AFF4: variants seen among roughly 807,000 people sequenced by gnomAD.
AFF4 encodes the protein ALF transcription elongation factor 4.
A neutral mutation model predicts 124.8 loss-of-function variants in AFF4; 13 were observed. The ratio of observed to expected loss-of-function variants is 0.10; its 90% CI spans 0.07 to 0.17. AFF4 has a LOEUF of 0.17. Ranked by LOEUF, AFF4 falls within the 10% of genes least tolerant of loss-of-function variation. The pLI, the probability that AFF4 is intolerant of heterozygous loss-of-function variation, is 1.00. For missense variants in AFF4, 1,092 were observed against 1,403.8 expected (o/e 0.78, Z 3.55); for synonymous variants, 477 against 496.1 (o/e 0.96, Z 0.51).
intron 1 of AFF4, among the ~76,000 whole-genome samples, chr5:132,938,759 C>T (rs1388100868): frequency 4.0e-5 from 6 of 151,284 alleles, no homozygotes; most frequent in Non-Finnish European, 5.9e-5. Context: ...CTGGCTAACA[C>T]GGTGAAACCC....
chr5:132,955,571 G>A (rs1761934849), intron 1 of AFF4, among the ~76,000 whole-genome samples: 1 of 151,998 alleles, frequency 6.6e-6, no homozygotes, highest in Non-Finnish European at 1.5e-5. Context: ...GAGGTCAGGA[G>A]TTCAAGACCA....
chr5:132,946,738 C>T (rs1487873236), intron 1 of AFF4, among the ~76,000 whole-genome samples: 2 of 152,030 alleles, frequency 1.3e-5, no homozygotes, highest in African/African-American at 4.8e-5. Context: ...TGTGAATGTA[C>T]TTAATGCCAC....
At chr5:132,898,502 T>TC in intron 9 of AFF4, 110 bp from the exon 10 acceptor site, 1 of 966,576 alleles carries the variant, frequency 1.0e-6, no homozygotes, top group Non-Finnish European at 1.5e-6. Flanking sequence ...TTTTTTTTTT[T>TC]AGACGGAGTC....
intron 1 of AFF4, among the ~76,000 whole-genome samples, chr5:132,954,316 T>C (rs1433941306): frequency 2.6e-5 from 4 of 152,216 alleles, no homozygotes; most frequent in Admixed American, 1.3e-4. Flanking sequence ...CGAGCTCCTA[T>C]TGACACGGCA....
intron 6 of AFF4, 126 bp downstream of exon 6, chr5:132,904,238 AAAAG>A: frequency 1.1e-6 from 1 of 873,716 alleles, no homozygotes; most frequent in Non-Finnish European, 1.7e-6. Context: ...GAAAAAAAAA[AAAAG>A]AAAACAAAAA....
chr5:132,936,132 T>C (rs1227538758), intron 2 of AFF4, among the ~76,000 whole-genome samples: 3 of 151,446 alleles, frequency 2.0e-5, no homozygotes, highest in Non-Finnish European at 2.9e-5. Context: ...CCGGGCATGG[T>C]GGCAGGCGCC....
chr5:132,949,898 C>G (rs1761797544), intron 1 of AFF4, among the ~76,000 whole-genome samples: 1 of 151,438 alleles, frequency 6.6e-6, no homozygotes, highest in African/African-American at 2.4e-5. Flanking sequence ...GTGGTGCATG[C>G]CTGTAGTCCT....
chr5:132,930,484 T>C (rs1158601596), intron 4 of AFF4, among the ~76,000 whole-genome samples: 3 of 152,104 alleles, frequency 2.0e-5, no homozygotes, highest in East Asian at 3.9e-4. Context: ...GGGAGAAAGA[T>C]AATGACCATA....
chr5:132,892,911 T>C (rs552518811), intron 12 of AFF4, 119 bp downstream of exon 12: 21 of 896,070 alleles, frequency 2.3e-5, no homozygotes, highest in South Asian at 1.2e-4. Flanking sequence ...GTTATGTGTA[T>C]GCATTTATAT....
intron 4 of AFF4, among the ~76,000 whole-genome samples, chr5:132,927,862 C>T (rs1279685575): frequency 6.6e-6 from 1 of 152,082 alleles, no homozygotes; most frequent in Non-Finnish European, 1.5e-5. Context: ...AAAAGCAAGA[C>T]CCTAAGTTTG....
intron 19 of AFF4, among the ~76,000 whole-genome samples, chr5:132,884,038 G>A (rs1760052471): frequency 6.6e-6 from 1 of 152,106 alleles, no homozygotes; most frequent in Non-Finnish European, 1.5e-5. Context: ...TTACTCAGAG[G>A]TAACAAAGAG....
intron 5 of AFF4, among the ~76,000 whole-genome samples, chr5:132,910,633 G>T (rs541742899): frequency 4.9e-4 from 74 of 152,070 alleles, no homozygotes; most frequent in African/African-American, 1.8e-3. Flanking sequence ...TAAGCTATCG[G>T]TAAGAAGCAA....
Position 132,898,361 on chromosome 5 carries a change from C to T in AFF4, c.1258G>A (p.Gly420Arg). Residue 420 changes from glycine (G) to arginine (R), a missense_variant, in exon 10 of 21, where the codon GGA becomes AGA. By Grantham distance (125) the Gly-to-Arg change is moderately radical. This residue lies in a region of AFF4 where 148 missense variants were observed against 196.3 expected (regional missense o/e 0.75). Coordinates refer to ENST00000265343, the MANE Select transcript of AFF4 (RefSeq NM_014423.4). ...GAATCATCCCTGGAGTTATCTGCTC[C>T]TTCACTATTATGGTGTGAAGGTTCA... ...NSEPSHHNSEGADNSRDDSSS... is the reference protein window; with the variant it reads ...NSEPSHHNSERADNSRDDSSS... 1 of 1,614,202 alleles carries T rather than the reference C, an allele frequency of 6.2e-7. No homozygotes were observed. The highest frequency in any genetic ancestry group is 8.5e-7 in the Non-Finnish European group (1 of 1,180,038).
chr5:132,938,058 G>A (rs571102227), intron 1 of AFF4, among the ~76,000 whole-genome samples: 8 of 151,178 alleles, frequency 5.3e-5, no homozygotes, highest in Non-Finnish European at 1.0e-4. Flanking sequence ...CAGGGAATCT[G>A]CAACACTCTT....
chr5:132,916,414 A>T (rs6887411), intron 5 of AFF4, among the ~76,000 whole-genome samples: 33,576 of 151,406 alleles, frequency 0.22, 4,079 homozygotes, highest in African/African-American at 0.32. Context: ...TTTTTTTTTT[A>T]AAATCAAGAG....
intron 1 of AFF4, chr5:132,948,750 T>C (rs73260956): frequency 5.0e-4 from 90 of 178,934 alleles, no homozygotes; most frequent in African/African-American, 2.0e-3. Flanking sequence ...TGTTCAGTCA[T>C]TGAAATCAAG....
intron 1 of AFF4, among the ~76,000 whole-genome samples, chr5:132,956,021 G>A (rs560669989): frequency 1.3e-5 from 2 of 150,504 alleles, no homozygotes; most frequent in South Asian, 4.2e-4. Flanking sequence ...GTAAATATAT[G>A]TGTATTATAC....
intron 1 of AFF4, chr5:132,943,441 C>A: frequency 5.6e-6 from 1 of 178,090 alleles, no homozygotes; most frequent in South Asian, 1.5e-4. Flanking sequence ...TATAAACACC[C>A]TGCTTGAAGC....
At chr5:132,901,921 T>C (rs750030547) in intron 7 of AFF4, among the ~76,000 whole-genome samples, 5 of 152,332 alleles carry the variant, frequency 3.3e-5, no homozygotes, top group Non-Finnish European at 5.9e-5. Flanking sequence ...GGTCTACAGC[T>C]GCTTTCATAC....
Sources: allele counts gnomAD v4.1 joint callset (sites outside exome capture counted in the v4.1 genomes callset), GRCh38; gene constraint gnomAD v4.1.1; regional missense constraint gnomAD v4.1.1; transcripts MANE v1.5; gene names NCBI Gene and HGNC (gene_info 2026-07-23, HGNC 2026-07-21).